ARID4B: variants seen among roughly 807,000 people sequenced by gnomAD.
ARID4B encodes AT-rich interaction domain 4B.
A neutral mutation model predicts 147.5 loss-of-function variants in ARID4B; 26 were observed. The observed-to-expected ratio is 0.18, with a 90% confidence interval of 0.13 to 0.24. The LOEUF is 0.24. ARID4B is among the 10% of genes least tolerant of loss of function. The pLI is 1.00. For synonymous variants in ARID4B, 512 were observed against 507.9 expected, an observed-to-expected ratio of 1.01 and a Z score of -0.11; for missense variants, 1,179 against 1,511.5, an observed-to-expected ratio of 0.78 and a Z score of 3.65.
chr1:235,272,356 C>A (rs569867204), intron 2 of ARID4B, among the ~76,000 whole-genome samples: 1 of 152,278 alleles, frequency 6.6e-6, no homozygotes, highest in Admixed American at 6.5e-5. Flanking sequence ...TCTTATTCAC[C>A]TATGAATGCC....
chr1:235,236,670 T>C (rs1342066568), intron 8 of ARID4B, among the ~76,000 whole-genome samples: 11 of 149,680 alleles, frequency 7.3e-5, no homozygotes, highest in Non-Finnish European at 1.6e-4. Flanking sequence ...CCCGCCACCA[T>C]GCTCGGCTAA....
At chr1:235,203,907 A>G (rs1388500638) in intron 17 of ARID4B, among the ~76,000 whole-genome samples, 4 of 152,204 alleles carry the variant, frequency 2.6e-5, no homozygotes, top group Non-Finnish European at 4.4e-5. Flanking sequence ...TATAATCTCA[A>G]TTTATATGTA....
chr1:235,325,066 A>G (rs1284450486), intron 2 of ARID4B, among the ~76,000 whole-genome samples: 1 of 152,182 alleles, frequency 6.6e-6, no homozygotes. Context: ...ATCACATAAG[A>G]AATAAAGTTG....
intron 7 of ARID4B, among the ~76,000 whole-genome samples, chr1:235,243,689 G>A (rs565076850): frequency 6.6e-6 from 1 of 152,214 alleles, no homozygotes; most frequent in Non-Finnish European, 1.5e-5. Context: ...CTAGAAACAA[G>A]AGGCTCAACC....
At chr1:235,249,457 A>G (rs559372775) in intron 6 of ARID4B, among the ~76,000 whole-genome samples, 1 of 152,070 alleles carries the variant, frequency 6.6e-6, no homozygotes, top group Admixed American at 6.6e-5. Flanking sequence ...TAACATACTC[A>G]TTAAGCTGGT....
At chr1:235,286,209 T>A (rs1239878700) in intron 2 of ARID4B, among the ~76,000 whole-genome samples, 1 of 152,172 alleles carries the variant, frequency 6.6e-6, no homozygotes, top group Admixed American at 6.5e-5. Context: ...TAATTTTTGA[T>A]AATTTGTAGA....
rs1666861312 is a variant in ARID4B, at chr1:235,213,812, C to G, written c.1798G>C (p.Gly600Arg). The G allele has an allele frequency of 1.9e-6, 3 of 1,614,032 alleles. No individual in the cohort carries two copies. The highest frequency in any genetic ancestry group is 2.5e-6 in the Non-Finnish European group (3 of 1,179,966). The stretch of plus-strand genomic sequence containing the variant: ...TAATGCACCAAGTAAAGGACCTCTC[C>G]ACCTTCGACATCAGAATCTTTAATA... ...ASIKDSDVEG[G>R]EVLYLVHYCG... The change falls in exon 17 of 24, where the codon GGA (glycine) becomes CGA (arginine). Residue 600 changes from glycine (G) to arginine (R), a missense_variant. Physicochemically the swap from Gly to Arg is moderately radical, Grantham distance 125 (BLOSUM62 -2). Coordinates refer to ENST00000264183, the MANE Select transcript of ARID4B (RefSeq NM_016374.6).
rs781405041 is a variant in ARID4B at position 235,220,575 on chromosome 1, T to C, written c.1164-30A>G. The C allele has an allele frequency of 4.0e-6, 6 of 1,495,864 alleles. No individual in the cohort carries two copies. In the Admixed American group the frequency reaches 1.4e-4, roughly 35 times the overall value. 92.7% of individuals were successfully genotyped at this position (1,495,864 alleles called of 1,614,324 possible). On this transcript the variant is annotated intron_variant, in intron 14 of 23. Transcript: ENST00000264183. ...AAACATGAAGAGAAATTACATTTGG[T>C]GAAAACATTTCAAAATATAACTATA...
At chr1:235,230,389 A>G (rs1393008752) in intron 10 of ARID4B, among the ~76,000 whole-genome samples, 1 of 151,508 alleles carries the variant, frequency 6.6e-6, no homozygotes, top group Non-Finnish European at 1.5e-5. Flanking sequence ...AACCTGGGCG[A>G]CAGAGCAAGA....
intron 2 of ARID4B, among the ~76,000 whole-genome samples, chr1:235,279,693 G>A (rs1201511803): frequency 6.6e-6 from 1 of 152,176 alleles, no homozygotes; most frequent in African/African-American, 2.4e-5. Context: ...TGGATTTAGG[G>A]AGGGTTCCTA....
chr1:235,260,653 C>T lies in ARID4B; in HGVS notation c.106G>A (p.Val36Ile), dbSNP rs370917476. ...EAKIKTAKRL[V>I]KVKVTFRHDS... ...TATAAATACTGTACCTTGACTTTGA[C>T]AAGTCTTTTTGCTGTCTTGATCTTG... Residue 36 changes from valine to isoleucine, a missense_variant, in exon 3 of 24, where the codon GTC (valine) becomes ATC (isoleucine). Val to Ile is a conservative substitution (Grantham distance 29). This residue lies in a region of ARID4B where 56 missense variants were observed against 99.2 expected (regional missense o/e 0.56). Coordinates refer to ENST00000264183, the MANE Select transcript of ARID4B (RefSeq NM_016374.6). The T allele has an allele frequency of 6.2e-6, 10 of 1,603,886 alleles. No individual in the cohort carries two copies. Among genetic ancestry groups the T allele is most frequent in the South Asian group, 1.1e-5 (1 of 89,458 alleles).
Position 235,167,890 on chromosome 1 carries a change from C to T in ARID4B, c.*635G>A. The T allele has an allele frequency of 5.1e-6, 1 of 197,128 alleles. No homozygotes were observed. The highest frequency in any genetic ancestry group is 1.1e-5 in the Non-Finnish European group (1 of 94,822). 12.2% of individuals were successfully genotyped at this position (197,128 alleles called of 1,614,324 possible). On this transcript the variant is annotated 3_prime_UTR_variant, in exon 24 of 24. Coordinates refer to ENST00000264183, the MANE Select transcript of ARID4B (RefSeq NM_016374.6). ...AGTAGTTCCATTCCAATTTGAAGGG[C>T]CATGAAAAGCCACTGCAAGACCTTT...
rs760482089 is a variant in ARID4B at position 235,220,364 on chromosome 1, G to C, written c.1345C>G (p.Pro449Ala). ...TCCTCAATAGGCTTTTCTTCTCTTG[G>C]TATTATATTCCTCTCCTCCTCCATC... ...IKMEEERNII[P>A]REEKPIEDEI... Residue 449 changes from proline (P) to alanine (A), a missense_variant, in exon 15 of 24, where the codon CCA (proline) becomes GCA (alanine). Pro to Ala is a conservative substitution (Grantham distance 27). Transcript: ENST00000264183. 6.2e-7 allele frequency: 1 copy of C among 1,607,430 alleles called. No individual in the cohort carries two copies. Among genetic ancestry groups the C allele is most frequent in the South Asian group, 1.1e-5 (1 of 90,574 alleles).
intron 8 of ARID4B, among the ~76,000 whole-genome samples, chr1:235,238,771 G>C (rs975316051): frequency 6.6e-6 from 1 of 151,798 alleles, no homozygotes; most frequent in African/African-American, 2.4e-5. Flanking sequence ...TGGGAGAATT[G>C]TTGAGCCCAG....
At chr1:235,242,762 T>G (rs1304685621) in intron 7 of ARID4B, among the ~76,000 whole-genome samples, 1 of 152,192 alleles carries the variant, frequency 6.6e-6, no homozygotes, top group East Asian at 1.9e-4. Context: ...AACACCTTTG[T>G]TCAGCTAGCT....
At chr1:235,221,731 C>A (rs546926656) in intron 13 of ARID4B, 69 bp from the exon 14 acceptor site, 1 of 811,476 alleles carries the variant, frequency 1.2e-6, no homozygotes. Context: ...TTGATAGACA[C>A]AGTATATATG....
chr1:235,275,217 C>A (rs1178682487), intron 2 of ARID4B, among the ~76,000 whole-genome samples: 2 of 152,138 alleles, frequency 1.3e-5, no homozygotes, highest in Non-Finnish European at 2.9e-5. Flanking sequence ...TTTCTCTTAA[C>A]AAAGAGATAT....
chr1:235,173,619 G>A, intron 22 of ARID4B, among the ~76,000 whole-genome samples: 1 of 149,286 alleles, frequency 6.7e-6, no homozygotes, highest in South Asian at 2.1e-4. Flanking sequence ...CATATTGGCT[G>A]GGTGTGGTGG....
intron 2 of ARID4B, among the ~76,000 whole-genome samples, chr1:235,286,445 TA>T (rs2103195428): frequency 6.6e-6 from 1 of 152,304 alleles, no homozygotes; most frequent in South Asian, 2.1e-4. Context: ...AGGAATCTGT[TA>T]AACAGTTAAG....
Sources: allele counts gnomAD v4.1 joint callset (sites outside exome capture counted in the v4.1 genomes callset), GRCh38; gene constraint gnomAD v4.1.1; regional missense constraint gnomAD v4.1.1; transcripts MANE v1.5; gene names NCBI Gene and HGNC (gene_info 2026-07-23, HGNC 2026-07-21).